SLC7A14: variants seen among roughly 807,000 people sequenced by gnomAD.
SLC7A14 encodes the protein gamma-aminobutyric acid transporter SLC7A14.
SLC7A14 carries 37 observed loss-of-function variants against 60.2 expected under a neutral mutation model. That is an observed-to-expected ratio of 0.61 (90% CI 0.47 to 0.81). The LOEUF is 0.81. SLC7A14 is among the 30% of genes least tolerant of loss of function. The pLI, the probability that SLC7A14 is intolerant of heterozygous loss-of-function variation, is 0.00. For synonymous variants in SLC7A14, 399 were observed against 395.8 expected (o/e 1.01, Z -0.10); for missense variants, 886 against 982.7 (o/e 0.90, Z 1.32).
At chr3:170,485,620 T>G (rs1482671490) in intron 5 of SLC7A14, among the ~76,000 whole-genome samples, 1 of 152,148 alleles carries the variant, frequency 6.6e-6, no homozygotes, top group Non-Finnish European at 1.5e-5. Context: ...GGCGTGATCC[T>G]GAGGAAGACA....
intron 7 of SLC7A14, among the ~76,000 whole-genome samples, chr3:170,476,581 C>T (rs192773230): frequency 2.4e-4 from 36 of 152,292 alleles, no homozygotes; most frequent in African/African-American, 8.4e-4. Flanking sequence ...CAGCCTGAGT[C>T]GCTGCAGGTT....
At chr3:170,492,596 A>G (rs1375967137) in intron 4 of SLC7A14, among the ~76,000 whole-genome samples, 1 of 152,220 alleles carries the variant, frequency 6.6e-6, no homozygotes, top group East Asian at 1.9e-4. Flanking sequence ...CTGATCCAGA[A>G]CAGAGTTCAT....
At chr3:170,545,696 C>A (rs369500209) in intron 1 of SLC7A14, among the ~76,000 whole-genome samples, 129 of 152,280 alleles carry the variant, frequency 8.5e-4, no homozygotes, top group African/African-American at 2.9e-3. Flanking sequence ...AAGTTATAGC[C>A]ACCTCAATCT....
chr3:170,471,090 G>GGGGTGTGTGTGT (rs1553864201), intron 7 of SLC7A14, among the ~76,000 whole-genome samples: 8 of 146,454 alleles, frequency 5.5e-5, no homozygotes, highest in East Asian at 4.0e-4. Context: ...TCTGGGAAGG[G>GGGGTGTGTGTGT]GTGTGTGTGT....
In SLC7A14 at chr3:170,526,706, C is replaced by G; in HGVS notation, c.231G>C (p.Leu77=). Residue 77 remains leucine (L), a synonymous_variant, in exon 2 of 8, where the codon CTG becomes CTC. Transcript: ENST00000231706. Reference sequence around the variant, plus strand: ...CAGGTCCTGCCATTTCCTTGGCCACCAGGCCAGAGACCACATACATGCCAG... The same window carrying G: ...CAGGTCCTGCCATTTCCTTGGCCACGAGGCCAGAGACCACATACATGCCAG... ...VGTGMYVVSG[L]VAKEMAGPGV... is the part of the protein sequence containing the mutation. 1 of 1,614,246 alleles carries G rather than the reference C, an allele frequency of 6.2e-7. No homozygotes were observed. The highest frequency in any genetic ancestry group is 1.1e-5 in the South Asian group (1 of 91,088).
chr3:170,497,473 A>T (rs144899915), intron 4 of SLC7A14, among the ~76,000 whole-genome samples: 1 of 152,344 alleles, frequency 6.6e-6, no homozygotes, highest in African/African-American at 2.4e-5. Flanking sequence ...TCTCCAAGAA[A>T]CATTTCTGAT....
At chr3:170,511,862 T>G (rs1467211824) in intron 2 of SLC7A14, among the ~76,000 whole-genome samples, 4 of 152,216 alleles carry the variant, frequency 2.6e-5, no homozygotes, top group Non-Finnish European at 5.9e-5. Context: ...ATCTAGAAAC[T>G]TCTTGTTCTG....
intron 1 of SLC7A14, among the ~76,000 whole-genome samples, chr3:170,561,864 A>T: frequency 6.6e-6 from 1 of 152,202 alleles, no homozygotes; most frequent in Non-Finnish European, 1.5e-5. Flanking sequence ...GAAAAGATAT[A>T]CAAGTGGCCA....
At chr3:170,575,906 A>G (rs774870233) in intron 1 of SLC7A14, among the ~76,000 whole-genome samples, 6 of 152,192 alleles carry the variant, frequency 3.9e-5, no homozygotes, top group Non-Finnish European at 8.8e-5. Flanking sequence ...CCCTGGCTGA[A>G]TAAATACATC....
Position 170,526,720 on chromosome 3 carries a change from C to T in SLC7A14, c.217G>A (p.Val73Met). Reference protein sequence around the residue: ...VGSCVGTGMYVVSGLVAKEMA... With the variant: ...VGSCVGTGMYMVSGLVAKEMA... ...TCCTTGGCCACCAGGCCAGAGACCA[C>T]ATACATGCCAGTGCCCACACAGCTG... The change falls in exon 2 of 8, where the codon GTG (valine) becomes ATG (methionine). Residue 73 changes from valine (V) to methionine (M), a missense_variant. Coordinates refer to ENST00000231706, the MANE Select transcript of SLC7A14 (RefSeq NM_020949.3). 1.2e-6 allele frequency: 2 copies of T among 1,614,286 alleles called. No individual in the cohort carries two copies. Among genetic ancestry groups the T allele is most frequent in the Non-Finnish European group, 1.7e-6 (2 of 1,180,056 alleles).
intron 1 of SLC7A14, among the ~76,000 whole-genome samples, chr3:170,541,320 A>T (rs1279832207): frequency 6.6e-6 from 1 of 152,220 alleles, no homozygotes; most frequent in African/African-American, 2.4e-5. Context: ...CTTATTGGCC[A>T]GGTGTTATGG....
At chr3:170,540,969 G>A in intron 1 of SLC7A14, among the ~76,000 whole-genome samples, 1 of 151,990 alleles carries the variant, frequency 6.6e-6, no homozygotes, top group East Asian at 1.9e-4. Flanking sequence ...TAATATTCAA[G>A]GAAATGCCAA....
chr3:170,522,091 CA>C (rs1180444384), intron 2 of SLC7A14, among the ~76,000 whole-genome samples: 1 of 151,946 alleles, frequency 6.6e-6, no homozygotes, highest in Non-Finnish European at 1.5e-5. Context: ...TTTAAAATGG[CA>C]AAACAAACAA....
chr3:170,490,154 C>T (rs561052325), intron 4 of SLC7A14, among the ~76,000 whole-genome samples: 7 of 152,270 alleles, frequency 4.6e-5, no homozygotes, highest in East Asian at 1.9e-4. Context: ...CCATTCTCCA[C>T]GATGTGCTTA....
At chr3:170,574,182 A>G (rs903552910) in intron 1 of SLC7A14, among the ~76,000 whole-genome samples, 11 of 152,200 alleles carry the variant, frequency 7.2e-5, no homozygotes, top group Non-Finnish European at 1.5e-5. Flanking sequence ...TTACTGAAAT[A>G]CCATCTGGTT....
chr3:170,555,740 G>A (rs1714469502), intron 1 of SLC7A14, among the ~76,000 whole-genome samples: 1 of 152,154 alleles, frequency 6.6e-6, no homozygotes, highest in Non-Finnish European at 1.5e-5. Context: ...TAAAAATATA[G>A]TATTATAATC....
At chr3:170,501,617 G>T (rs1712611723) in intron 2 of SLC7A14, among the ~76,000 whole-genome samples, 1 of 152,178 alleles carries the variant, frequency 6.6e-6, no homozygotes, top group African/African-American at 2.4e-5. Context: ...CCACTTGTGT[G>T]TGTCTCTATC....
In SLC7A14 at chr3:170,535,582, G is replaced by A. The variant is rs975697240; in HGVS notation, c.-152-8494C>T. Among the ~76,000 whole-genome samples, 2 of 152,136 alleles carry A rather than the reference G, an allele frequency of 1.3e-5. No homozygotes were observed. Among genetic ancestry groups the A allele is most frequent in the Non-Finnish European group, 2.9e-5 (2 of 68,010 alleles). ...CAGCCCACTGGCTGTGTCCTGGGGA[G>A]CTGACATGCTCCCTTGCCCTCTGGT... On this transcript the variant is annotated intron_variant, in intron 1 of 7. Transcript: ENST00000231706. This position sits in a 1 kb window ranked among gnomAD's most constrained non-coding sequence, Gnocchi z 4.3.
In SLC7A14 at chr3:170,503,454, C is replaced by T. The variant is rs115151430; in HGVS notation, c.305-2109G>A. Among the ~76,000 whole-genome samples, 707 of 152,190 alleles carry T rather than the reference C, an allele frequency of 4.6e-3. 4 individuals are homozygous for T. The highest frequency in any genetic ancestry group is 0.016 in the African/African-American group (657 of 41,528). On this transcript the variant is annotated intron_variant, in intron 2 of 7. Coordinates refer to ENST00000231706, the MANE Select transcript of SLC7A14 (RefSeq NM_020949.3). ...GGATGCCGTGTGTTTTCAGGGTTCT[C>T]GGGAGTTGAGTTTGCACATACGGAT...
Sources: gnomAD v4.1 joint callset for allele counts (sites outside exome capture counted in the v4.1 genomes callset) on GRCh38, gnomAD v4.1.1 for gene constraint, Gnocchi (gnomAD v3.1) non-coding constraint, MANE v1.5 for transcripts, NCBI Gene and HGNC (gene_info 2026-07-23, HGNC 2026-07-21) for gene names.